The following LY96 variants were observed in gnomAD, a reference collection of about 807,000 sequenced individuals.
LY96 encodes lymphocyte antigen 96.
Under a neutral mutation model 18.9 loss-of-function variants are expected in LY96, and 18 were observed. The observed-to-expected ratio is 0.95, with a 90% confidence interval of 0.66 to 1.41. LY96 has a LOEUF of 1.41. Among genes scored for constraint, LY96 ranks in the 40% most tolerant of loss-of-function variants. The probability of loss-of-function intolerance (pLI) is 0.00; values close to 1 mark genes in which losing one functional copy is unlikely to be tolerated. For synonymous variants in LY96, 66 were observed against 62.6 expected, an observed-to-expected ratio of 1.06 and a Z score of -0.26; for missense variants, 175 against 182.4, an observed-to-expected ratio of 0.96 and a Z score of 0.23.
chr8:74,056,268 T>A, the LY96 span: 999 of 254,920 alleles, frequency 3.9e-3, 40 homozygotes, highest in Admixed American at 0.052. Flanking sequence ...TACCTGTGGT[T>A]ATTTGCTTCA....
intron 3 of LY96, among the ~76,000 whole-genome samples, chr8:74,018,479 C>A (rs1183525602): frequency 1.3e-5 from 2 of 152,158 alleles, no homozygotes; most frequent in Non-Finnish European, 2.9e-5. Flanking sequence ...TAATGGGATA[C>A]TTTAACACCC....
the LY96 span, among the ~76,000 whole-genome samples, chr8:74,043,557 C>T: frequency 6.6e-6 from 1 of 152,052 alleles, no homozygotes; most frequent in African/African-American, 2.4e-5. Flanking sequence ...ATATTAGTTG[C>T]CAAGGAGGTT....
At chr8:74,045,783 T>C in the LY96 span, among the ~76,000 whole-genome samples, 1 of 152,136 alleles carries the variant, frequency 6.6e-6, no homozygotes, top group Non-Finnish European at 1.5e-5. Context: ...ACCTCCTTTA[T>C]GTAACTAGAC....
At chr8:74,057,278 G>T in the LY96 span, among the ~76,000 whole-genome samples, 1 of 152,118 alleles carries the variant, frequency 6.6e-6, no homozygotes, top group Admixed American at 6.5e-5. Flanking sequence ...TCCTACCTTT[G>T]ATGGCCTCAA....
intron 1 of LY96, among the ~76,000 whole-genome samples, chr8:74,004,116 T>C (rs1291377067): frequency 6.6e-6 from 1 of 151,994 alleles, no homozygotes; most frequent in African/African-American, 2.4e-5. Context: ...TTTCTGGGGA[T>C]CCCCAGAGAA....
chr8:74,005,356 G>A (rs1308923462), intron 2 of LY96, among the ~76,000 whole-genome samples: 2 of 152,170 alleles, frequency 1.3e-5, no homozygotes, highest in African/African-American at 4.8e-5. Flanking sequence ...AATCATGGAA[G>A]TAACACTCCA....
chr8:74,013,227 G>A (rs1816566594), intron 3 of LY96, among the ~76,000 whole-genome samples: 1 of 152,060 alleles, frequency 6.6e-6, no homozygotes, highest in African/African-American at 2.4e-5. Context: ...CCGGGTTCAA[G>A]TGATTCTGCC....
At chr8:74,008,127 G>C (rs1201745147) in intron 2 of LY96, among the ~76,000 whole-genome samples, 1 of 152,236 alleles carries the variant, frequency 6.6e-6, no homozygotes, top group Non-Finnish European at 1.5e-5. Context: ...CAAAAGTGGT[G>C]TCTCATTGTT....
At chr8:74,083,055 C>T in the LY96 span, among the ~76,000 whole-genome samples, 27 of 152,082 alleles carry the variant, frequency 1.8e-4, no homozygotes, top group South Asian at 5.2e-3. Flanking sequence ...CCATTTTCCC[C>T]GTCCCCCTGC....
At chr8:74,040,690 A>G in the LY96 span, among the ~76,000 whole-genome samples, 1 of 131,662 alleles carries the variant, frequency 7.6e-6, no homozygotes, top group Non-Finnish European at 1.6e-5. Flanking sequence ...CCATTACTCT[A>G]TGTGTCTGTT....
chr8:74,044,500 A>G, the LY96 span, among the ~76,000 whole-genome samples: 4 of 152,222 alleles, frequency 2.6e-5, no homozygotes, highest in South Asian at 4.1e-4. Flanking sequence ...AATGTATGTA[A>G]TATGTTCTTA....
At chr8:74,050,893 C>T in the LY96 span, among the ~76,000 whole-genome samples, 3 of 151,992 alleles carry the variant, frequency 2.0e-5, no homozygotes, top group East Asian at 3.9e-4. Context: ...CGTGGTGGCA[C>T]GCACCTGTAA....
At chr8:73,996,372 C>CATT (rs756373007) in intron 1 of LY96, among the ~76,000 whole-genome samples, 3 of 110,910 alleles carry the variant, frequency 2.7e-5, no homozygotes, top group African/African-American at 7.0e-5. Context: ...TTCCTTCATT[C>CATT]CTTTCTTTCT....
chr8:74,031,399 G>A (rs1235323259), downstream of LY96, among the ~76,000 whole-genome samples: 1 of 152,110 alleles, frequency 6.6e-6, no homozygotes, highest in African/African-American at 2.4e-5. Context: ...AATCCAAAGC[G>A]GGCGCATCAC....
chr8:74,081,122 T>TTTCTTTCTTTCC, the LY96 span, among the ~76,000 whole-genome samples: 452 of 124,246 alleles, frequency 3.6e-3, 9 homozygotes, highest in Admixed American at 7.4e-3. Flanking sequence ...TCTTTCTTTC[T>TTTCTTTCTTTCC]TTCCTTCCTT....
chr8:73,996,348 C>CCTTT (rs1228038652), intron 1 of LY96, among the ~76,000 whole-genome samples: 6 of 132,932 alleles, frequency 4.5e-5, no homozygotes, highest in African/African-American at 1.4e-4. Flanking sequence ...TTCCTTCCTT[C>CCTTT]CTTCCTTCCT....
At chr8:74,004,017 A>G (rs891463909) in intron 1 of LY96, among the ~76,000 whole-genome samples, 1 of 152,140 alleles carries the variant, frequency 6.6e-6, no homozygotes, top group Non-Finnish European at 1.5e-5. Flanking sequence ...GGCATCTACC[A>G]GCCCAAGCTG....
chr8:74,047,182 C>T, the LY96 span, among the ~76,000 whole-genome samples: 1 of 152,184 alleles, frequency 6.6e-6, no homozygotes, highest in South Asian at 2.1e-4. Flanking sequence ...GCCACAGCGC[C>T]CGGCCCTGAC....
the LY96 span, among the ~76,000 whole-genome samples, chr8:74,083,779 C>T: frequency 6.6e-6 from 1 of 152,036 alleles, no homozygotes; most frequent in African/African-American, 2.4e-5. Context: ...GCAGCCTTGA[C>T]CTCTCGGGCT....
Sources: gnomAD v4.1 joint callset for allele counts (sites outside exome capture counted in the v4.1 genomes callset) on GRCh38, gnomAD v4.1.1 for gene constraint, MANE v1.5 for transcripts, NCBI Gene and HGNC (gene_info 2026-07-23, HGNC 2026-07-21) for gene names.